TNFRSF11A: variants seen among roughly 807,000 people sequenced by gnomAD.
TNFRSF11A encodes TNF receptor superfamily member 11a.
A neutral mutation model predicts 55.7 loss-of-function variants in TNFRSF11A; 32 were observed. That is an observed-to-expected ratio of 0.57 (90% CI 0.43 to 0.77). The LOEUF (loss-of-function observed/expected upper bound fraction) is 0.77, where lower values mean the gene tolerates loss of function less well. TNFRSF11A is among the 30% of genes least tolerant of loss of function. The pLI, the probability that TNFRSF11A is intolerant of heterozygous loss-of-function variation, is 0.00. For synonymous variants in TNFRSF11A, 311 were observed against 331.0 expected (o/e 0.94, Z 0.65); for missense variants, 753 against 809.8 (o/e 0.93, Z 0.85).
At chr18:62,353,668 T>C (rs1909007004) in intron 3 of TNFRSF11A, among the ~76,000 whole-genome samples, 1 of 152,202 alleles carries the variant, frequency 6.6e-6, no homozygotes, top group African/African-American at 2.4e-5. Context: ...GATTGATCAA[T>C]AATTTGATTC....
chr18:62,369,772 C>T (rs1910396944), intron 9 of TNFRSF11A, among the ~76,000 whole-genome samples: 1 of 152,182 alleles, frequency 6.6e-6, no homozygotes, highest in African/African-American at 2.4e-5. Context: ...TAGGATTAGA[C>T]CTCAAGCCCC....
chr18:62,329,824 G>T (rs771713711), intron 1 of TNFRSF11A, among the ~76,000 whole-genome samples: 2 of 152,162 alleles, frequency 1.3e-5, no homozygotes, highest in Non-Finnish European at 2.9e-5. Flanking sequence ...GAAGCTCCTT[G>T]TCAGAGGGCT....
In TNFRSF11A at chr18:62,337,350, G is replaced by A. The variant is rs75117550; in HGVS notation, c.76-10818G>A. Reference sequence around the variant, plus strand: ...CCTGCTAATGAAAATAGCATGAAGTGCCTAGTATTTAAACCTTTATGGGGT... The same window carrying A: ...CCTGCTAATGAAAATAGCATGAAGTACCTAGTATTTAAACCTTTATGGGGT... On this transcript the variant is annotated intron_variant, in intron 1 of 9. Transcript: ENST00000586569. Among the ~76,000 whole-genome samples the A allele has an allele frequency of 5.2e-4, 79 of 152,192 alleles. 1 individual carries two copies. In the East Asian group the frequency reaches 0.015, roughly 29 times the overall value.
At chr18:62,372,201 A>G (rs1296401601) in intron 9 of TNFRSF11A, among the ~76,000 whole-genome samples, 1 of 152,200 alleles carries the variant, frequency 6.6e-6, no homozygotes, top group African/African-American at 2.4e-5. Flanking sequence ...AGATCAGTGA[A>G]GGGGGAAGCA....
intron 6 of TNFRSF11A, 53 bp downstream of exon 6, chr18:62,360,102 T>A: frequency 6.7e-7 from 1 of 1,492,664 alleles, no homozygotes; most frequent in Non-Finnish European, 9.3e-7. Flanking sequence ...GGTGGTCAGC[T>A]GGTTTAGATC....
At chr18:62,343,094 G>A (rs2046336335) in intron 1 of TNFRSF11A, among the ~76,000 whole-genome samples, 1 of 152,166 alleles carries the variant, frequency 6.6e-6, no homozygotes, top group Non-Finnish European at 1.5e-5. Context: ...TAAGTGAAGT[G>A]TTGTTTTCAC....
Position 62,387,276 on chromosome 18 carries a change from A to G in TNFRSF11A, c.*2242A>G, listed in dbSNP as rs907010371. 6.6e-6 allele frequency: 1 copy of G among 152,220 alleles called. No individual in the cohort carries two copies. The highest frequency in any genetic ancestry group is 2.4e-5 in the African/African-American group (1 of 41,450). The allele number at this position is 152,220 out of a possible 1,614,324, so 9.4% of individuals were successfully genotyped here. On this transcript the variant is annotated 3_prime_UTR_variant, in exon 10 of 10. Transcript: ENST00000586569. ...ATCCAAAGGCAACTCAATGCTAAAA[A>G]ATGTATAGAAAATATAAGTCTGTGT...
chr18:62,368,786 TGGA>T lies in TNFRSF11A; in HGVS notation c.874_876del (p.Glu292del). ...TGTGAAGGTGTCTTACTGCTGACTCTGGAGGAGAAGACATTTCCAGAAGATATG... is the reference window on the plus strand; with the variant it reads ...TGTGAAGGTGTCTTACTGCTGACTCTGGAGAAGACATTTCCAGAAGATATG... On this transcript the variant is annotated inframe_deletion, in exon 9 of 10. Coordinates refer to ENST00000586569, the MANE Select transcript of TNFRSF11A (RefSeq NM_003839.4). 16 of 1,614,222 alleles carry T rather than the reference TGGA, an allele frequency of 9.9e-6. No individual in the cohort carries two copies. The highest frequency in any genetic ancestry group is 1.0e-5 in the Non-Finnish European group (12 of 1,180,048).
chr18:62,325,471 C>G lies in TNFRSF11A; in HGVS notation c.75+44C>G, dbSNP rs1461100474. The G allele has an allele frequency of 1.0e-5, 12 of 1,197,802 alleles. No individual in the cohort carries two copies. Among genetic ancestry groups the G allele is most frequent in the Middle Eastern group, 3.4e-4 (1 of 2,924 alleles). The allele number at this position is 1,197,802 out of a possible 1,614,324, so 74.2% of individuals were successfully genotyped here. ...TGCCGGGCCGCGCGGCCCGACGCCT[C>G]CTCGGGAGCCCCGGGAAGGGCCGGG... On this transcript the variant is annotated intron_variant, in intron 1 of 9. Coordinates refer to ENST00000586569, the MANE Select transcript of TNFRSF11A (RefSeq NM_003839.4). The surrounding 1 kb of genome is among the most constrained non-coding windows in gnomAD (Gnocchi z 4.7).
chr18:62,375,865 A>G (rs1403350062), intron 9 of TNFRSF11A, among the ~76,000 whole-genome samples: 1 of 152,104 alleles, frequency 6.6e-6, no homozygotes, highest in Non-Finnish European at 1.5e-5. Flanking sequence ...CAGATGTGGT[A>G]GCATGTACCT....
At chr18:62,355,425 G>A (rs1909186992) in intron 4 of TNFRSF11A, among the ~76,000 whole-genome samples, 1 of 152,046 alleles carries the variant, frequency 6.6e-6, no homozygotes, top group South Asian at 2.1e-4. Context: ...TTACCGGGAT[G>A]CACCACCACG....
At chr18:62,361,438 A>G (rs1040055639) in intron 6 of TNFRSF11A, among the ~76,000 whole-genome samples, 7 of 152,164 alleles carry the variant, frequency 4.6e-5, no homozygotes, top group African/African-American at 1.7e-4. Context: ...AAACACCGTA[A>G]TGGCCCTGGC....
At chr18:62,346,470 C>T (rs1431369765) in intron 1 of TNFRSF11A, among the ~76,000 whole-genome samples, 1 of 152,206 alleles carries the variant, frequency 6.6e-6, no homozygotes, top group Non-Finnish European at 1.5e-5. Context: ...CCGCTGGGCT[C>T]AATGCAGCTT....
chr18:62,326,736 C>T (rs2046081556), intron 1 of TNFRSF11A, among the ~76,000 whole-genome samples: 1 of 152,212 alleles, frequency 6.6e-6, no homozygotes, highest in South Asian at 2.1e-4. Context: ...GACCTTTCAA[C>T]AAATGCTGTT....
chr18:62,364,563 T>G lies in TNFRSF11A; in HGVS notation c.731-2145T>G, dbSNP rs117210836. On this transcript the variant is annotated intron_variant, in intron 7 of 9. Coordinates refer to ENST00000586569, the MANE Select transcript of TNFRSF11A (RefSeq NM_003839.4). Reference sequence around the variant, plus strand: ...TATCAGCTCCGTGGACAGGTATTATTTTTTAGTGCCATTTGTGATTGTCTA... The same window carrying G: ...TATCAGCTCCGTGGACAGGTATTATGTTTTAGTGCCATTTGTGATTGTCTA... Among the ~76,000 whole-genome samples the G allele has an allele frequency of 2.1e-3, 313 of 152,202 alleles. 2 individuals are homozygous for G. The highest frequency in any genetic ancestry group is 3.5e-3 in the Non-Finnish European group (237 of 68,006).
At chr18:62,335,078 CTCCAGTTGGG>C (rs1334843547) in intron 1 of TNFRSF11A, among the ~76,000 whole-genome samples, 1 of 151,044 alleles carries the variant, frequency 6.6e-6, no homozygotes, top group Non-Finnish European at 1.5e-5. Flanking sequence ...AGTTTCTGTG[CTCCAGTTGGG>C]TCCAGTTGGA....
intron 9 of TNFRSF11A, chr18:62,378,244 AG>A (rs1354802809): frequency 1.3e-4 from 20 of 152,240 alleles, no homozygotes; most frequent in African/African-American, 4.6e-4. Flanking sequence ...CTATTAGATA[AG>A]GATATTACCA....
chr18:62,362,601 G>A (rs1909778841), intron 7 of TNFRSF11A, among the ~76,000 whole-genome samples: 1 of 151,034 alleles, frequency 6.6e-6, no homozygotes, highest in Non-Finnish European at 1.5e-5. Context: ...CCTGTTTCTT[G>A]GGAATAATTT....
intron 7 of TNFRSF11A, among the ~76,000 whole-genome samples, chr18:62,364,914 C>T (rs2145341750): frequency 6.6e-6 from 1 of 152,242 alleles, no homozygotes; most frequent in East Asian, 1.9e-4. Context: ...ATGATCTTCC[C>T]ATGGAGAACC....
Sources: allele counts gnomAD v4.1 joint callset (sites outside exome capture counted in the v4.1 genomes callset), GRCh38; gene constraint gnomAD v4.1.1; non-coding constraint Gnocchi (gnomAD v3.1); transcripts MANE v1.5; gene names NCBI Gene and HGNC (gene_info 2026-07-23, HGNC 2026-07-21).